The following PLEKHA5 variants were observed in gnomAD, a reference collection of about 807,000 sequenced individuals.
The protein encoded by PLEKHA5 is pleckstrin homology domain-containing family A member 5.
A neutral mutation model predicts 181.9 loss-of-function variants in PLEKHA5; 55 were observed. That is an observed-to-expected ratio of 0.30 (90% CI 0.24 to 0.38). The LOEUF (loss-of-function observed/expected upper bound fraction) is 0.38, where lower values mean the gene tolerates loss of function less well. Ranked by LOEUF, PLEKHA5 falls within the 10% of genes least tolerant of loss-of-function variation. The pLI, the probability that PLEKHA5 is intolerant of heterozygous loss-of-function variation, is 1.00. For synonymous variants in PLEKHA5, 535 were observed against 529.4 expected (o/e 1.01, Z -0.15); for missense variants, 1,432 against 1,549.5 (o/e 0.92, Z 1.27).
intron 3 of PLEKHA5, among the ~76,000 whole-genome samples, chr12:19,146,147 C>T (rs1345131489): frequency 6.6e-6 from 1 of 152,186 alleles, no homozygotes; most frequent in East Asian, 1.9e-4. Flanking sequence ...TACTGTTAGA[C>T]AGCTTTCTTC....
intron 3 of PLEKHA5, among the ~76,000 whole-genome samples, chr12:19,241,721 T>G (rs1293998174): frequency 2.7e-5 from 4 of 150,744 alleles, no homozygotes; most frequent in Non-Finnish European, 5.9e-5. Context: ...CACACCACTG[T>G]ACTCCAGCCT....
At chr12:19,177,799 T>A (rs546907420) in intron 3 of PLEKHA5, among the ~76,000 whole-genome samples, 1 of 152,248 alleles carries the variant, frequency 6.6e-6, no homozygotes, top group Non-Finnish European at 1.5e-5. Context: ...TTTTTAATTC[T>A]ACGGATCAGT....
intron 15 of PLEKHA5, among the ~76,000 whole-genome samples, chr12:19,310,225 T>G (rs190323674): frequency 1.3e-5 from 2 of 152,332 alleles, no homozygotes; most frequent in Admixed American, 6.5e-5. Context: ...TTACACAATA[T>G]GTAGACTGTT....
Position 19,361,669 on chromosome 12 carries a change from A to G in PLEKHA5, c.3571A>G (p.Arg1191Gly), listed in dbSNP as rs928498601. ...TTCTGTGGAAATGATGGATAAAGAA[A>G]GAAACAAAGACAAAATGCCTGAGGA... ...VNSVEMMDKE[R>G]NKDKMPEDVT... The change falls in exon 29 of 32, where the codon AGA (arginine) becomes GGA (glycine). Residue 1191 changes from arginine (R) to glycine (G), a missense_variant. By Grantham distance (125) the Arg-to-Gly change is moderately radical (BLOSUM62 -2). Coordinates refer to ENST00000429027, the MANE Select transcript of PLEKHA5 (RefSeq NM_001256470.2). 7 of 1,597,734 alleles carry G rather than the reference A, an allele frequency of 4.4e-6. No homozygotes were observed. Among genetic ancestry groups the G allele is most frequent in the Non-Finnish European group, 6.0e-6 (7 of 1,168,866 alleles).
At chr12:19,214,901 G>T (rs1350612012) in intron 3 of PLEKHA5, among the ~76,000 whole-genome samples, 1 of 152,092 alleles carries the variant, frequency 6.6e-6, no homozygotes, top group East Asian at 1.9e-4. Flanking sequence ...AAATTGGCTG[G>T]GTGCGGTGGC....
intron 3 of PLEKHA5, chr12:19,154,539 T>C (rs2041226409): frequency 6.6e-6 from 1 of 152,320 alleles, no homozygotes; most frequent in Non-Finnish European, 1.5e-5. Flanking sequence ...AGTGAGAAAT[T>C]ATTCGGGAAA....
rs187562460 is a variant in PLEKHA5, at chr12:19,134,286, C to T, written c.227+1836C>T. Among the ~76,000 whole-genome samples the T allele has an allele frequency of 1.3e-4, 20 of 152,014 alleles. No individual in the cohort carries two copies. The East Asian group carries it at 2.9e-3, about 22-fold the overall frequency. Reference sequence around the variant, plus strand: ...CCATGTCTAATGCCTAAGTAGGTTTCTCTGGAAAATTAAGACAATATTAAG... The same window carrying T: ...CCATGTCTAATGCCTAAGTAGGTTTTTCTGGAAAATTAAGACAATATTAAG... On this transcript the variant is annotated intron_variant, in intron 3 of 31. Coordinates refer to ENST00000429027, the MANE Select transcript of PLEKHA5 (RefSeq NM_001256470.2).
chr12:19,230,238 C>A (rs1308493192), intron 3 of PLEKHA5, among the ~76,000 whole-genome samples: 2 of 152,174 alleles, frequency 1.3e-5, no homozygotes, highest in Non-Finnish European at 1.5e-5. Context: ...ATTTACAATC[C>A]CTTAGGTAGA....
chr12:19,367,401 G>A (rs188995531), intron 30 of PLEKHA5, among the ~76,000 whole-genome samples: 17 of 148,908 alleles, frequency 1.1e-4, no homozygotes, highest in Admixed American at 1.4e-4. Flanking sequence ...GATTATAGGT[G>A]CCCACCACCA....
chr12:19,134,492 A>G (rs2035012901), intron 3 of PLEKHA5, among the ~76,000 whole-genome samples: 1 of 152,090 alleles, frequency 6.6e-6, no homozygotes, highest in Non-Finnish European at 1.5e-5. Flanking sequence ...TAAAAAAACT[A>G]ACCATTGATA....
intron 6 of PLEKHA5, among the ~76,000 whole-genome samples, chr12:19,258,822 C>A (rs1489629322): frequency 6.6e-6 from 1 of 152,102 alleles, no homozygotes; most frequent in African/African-American, 2.4e-5. Context: ...ACCTTGGCCT[C>A]TCAAAGTGCT....
At chr12:19,367,374 G>T (rs531232896) in intron 30 of PLEKHA5, among the ~76,000 whole-genome samples, 5 of 139,960 alleles carry the variant, frequency 3.6e-5, no homozygotes, top group Non-Finnish European at 7.5e-5. Flanking sequence ...TCCTGCCTCA[G>T]CCTCCCAAGT....
intron 3 of PLEKHA5, among the ~76,000 whole-genome samples, chr12:19,208,474 A>T (rs575363656): frequency 7.2e-5 from 11 of 151,776 alleles, no homozygotes; most frequent in Non-Finnish European, 1.3e-4. Flanking sequence ...GAAACACATC[A>T]TACTCATGGA....
chr12:19,197,769 C>T (rs1295297462), intron 3 of PLEKHA5, among the ~76,000 whole-genome samples: 1 of 150,346 alleles, frequency 6.7e-6, no homozygotes, highest in Non-Finnish European at 1.5e-5. Context: ...GCTCTTTTTA[C>T]ACCGTATGCC....
intron 15 of PLEKHA5, among the ~76,000 whole-genome samples, chr12:19,295,320 A>T (rs1367942393): frequency 6.6e-6 from 1 of 152,224 alleles, no homozygotes; most frequent in African/African-American, 2.4e-5. Context: ...AATGGATTTA[A>T]CATTTATTAG....
chr12:19,319,920 T>G (rs2090164464), intron 16 of PLEKHA5, 101 bp from the exon 17 acceptor site: 4 of 680,110 alleles, frequency 5.9e-6, no homozygotes, highest in Non-Finnish European at 9.5e-6. Flanking sequence ...TTATGAAATT[T>G]GACTATCCAT....
intron 10 of PLEKHA5, among the ~76,000 whole-genome samples, chr12:19,273,947 A>G (rs1329778181): frequency 6.6e-6 from 1 of 152,236 alleles, no homozygotes; most frequent in African/African-American, 2.4e-5. Context: ...CTCAGCTAGT[A>G]AGAACAGAGT....
intron 3 of PLEKHA5, among the ~76,000 whole-genome samples, chr12:19,176,883 G>C (rs777808134): frequency 2.0e-5 from 3 of 150,416 alleles, no homozygotes; most frequent in Non-Finnish European, 3.0e-5. Flanking sequence ...TTTTTCTTTT[G>C]AGACAGAGTC....
At chr12:19,242,057 A>G (rs542613050) in intron 3 of PLEKHA5, among the ~76,000 whole-genome samples, 22 of 152,258 alleles carry the variant, frequency 1.4e-4, no homozygotes, top group African/African-American at 5.3e-4. Context: ...AAATTATGTT[A>G]AGCACTTTTG....
Sources: gnomAD v4.1 joint callset for allele counts (sites outside exome capture counted in the v4.1 genomes callset) on GRCh38, gnomAD v4.1.1 for gene constraint, MANE v1.5 for transcripts, NCBI Gene and HGNC (gene_info 2026-07-23, HGNC 2026-07-21) for gene names.